The following FGGY variants were observed in gnomAD, a reference collection of about 807,000 sequenced individuals.
The protein encoded by FGGY is FGGY carbohydrate kinase domain containing, also known as FGGY carbohydrate kinase domain-containing protein.
Under a neutral mutation model 71.3 loss-of-function variants are expected in FGGY, and 72 were observed. The ratio of observed to expected loss-of-function variants is 1.01; its 90% CI spans 0.84 to 1.23. FGGY has a LOEUF of 1.23. Ranked by LOEUF, FGGY falls within the 50% of genes most tolerant of loss-of-function variation. FGGY has a pLI of 0.00. For synonymous variants in FGGY, 251 were observed against 250.3 expected (o/e 1.00, Z -0.02); for missense variants, 668 against 682.3 (o/e 0.98, Z 0.23).
chr1:59,691,959 G>A (rs1338068323), intron 14 of FGGY, among the ~76,000 whole-genome samples: 2 of 152,140 alleles, frequency 1.3e-5, no homozygotes, highest in Non-Finnish European at 2.9e-5. Flanking sequence ...CTAACAAGGA[G>A]CCTGACATAG....
At chr1:59,469,187 A>C (rs2092810077) in intron 6 of FGGY, among the ~76,000 whole-genome samples, 1 of 152,240 alleles carries the variant, frequency 6.6e-6, no homozygotes, top group African/African-American at 2.4e-5. Flanking sequence ...CACAGGCCTG[A>C]GTACAGGTGG....
At chr1:59,548,480 G>T (rs35489860) in intron 7 of FGGY, among the ~76,000 whole-genome samples, 1 of 152,280 alleles carries the variant, frequency 6.6e-6, no homozygotes, top group East Asian at 1.9e-4. Flanking sequence ...TATGGAAATT[G>T]AAGTTCTAAG....
At chr1:59,751,721 A>G (rs2098246655) in intron 14 of FGGY, among the ~76,000 whole-genome samples, 1 of 152,180 alleles carries the variant, frequency 6.6e-6, no homozygotes, top group East Asian at 1.9e-4. Context: ...GTCTTATTTG[A>G]CTAGGTCTTC....
chr1:59,717,338 A>T (rs990198122), intron 14 of FGGY, among the ~76,000 whole-genome samples: 4 of 152,058 alleles, frequency 2.6e-5, no homozygotes, highest in African/African-American at 9.7e-5. Flanking sequence ...ACAATTCCCC[A>T]TGGACTCAGA....
intron 5 of FGGY, among the ~76,000 whole-genome samples, chr1:59,417,876 T>C (rs181789067): frequency 1.7e-4 from 26 of 152,318 alleles, no homozygotes; most frequent in Middle Eastern, 6.8e-3. Flanking sequence ...AGTTCCTCAG[T>C]CATACTGGCC....
chr1:59,539,139 G>A (rs558955204), intron 7 of FGGY, among the ~76,000 whole-genome samples: 27 of 152,178 alleles, frequency 1.8e-4, no homozygotes, highest in Admixed American at 4.6e-4. Context: ...TAAATAAATC[G>A]AGGGATATAT....
At chr1:59,726,284 G>T (rs558953366) in intron 14 of FGGY, among the ~76,000 whole-genome samples, 18 of 152,116 alleles carry the variant, frequency 1.2e-4, no homozygotes, top group African/African-American at 4.1e-4. Flanking sequence ...AATCGTATTT[G>T]GTTGTGGTAT....
chr1:59,617,806 T>C (rs2153831672), intron 9 of FGGY, among the ~76,000 whole-genome samples: 1 of 152,162 alleles, frequency 6.6e-6, no homozygotes, highest in Admixed American at 6.6e-5. Flanking sequence ...GGCATTGACT[T>C]TCTGGAACAA....
At chr1:59,500,651 C>T (rs776654629) in intron 6 of FGGY, among the ~76,000 whole-genome samples, 7 of 118,192 alleles carry the variant, frequency 5.9e-5, no homozygotes, top group Non-Finnish European at 1.1e-4. Context: ...TTGTAGCACA[C>T]TGCCTTCTTG....
intron 11 of FGGY, chr1:59,641,253 A>C: frequency 6.3e-7 from 1 of 1,593,558 alleles, no homozygotes; most frequent in Non-Finnish European, 8.6e-7. Context: ...TAATAATAAA[A>C]AAAGAAAATT....
intron 8 of FGGY, among the ~76,000 whole-genome samples, chr1:59,582,470 C>T (rs982820616): frequency 6.7e-6 from 1 of 149,834 alleles, no homozygotes; most frequent in Non-Finnish European, 1.5e-5. Context: ...CCTCACGTTG[C>T]ACTACTACCC....
At chr1:59,748,700 G>T (rs1260846832) in intron 14 of FGGY, among the ~76,000 whole-genome samples, 2 of 152,134 alleles carry the variant, frequency 1.3e-5, no homozygotes, top group East Asian at 1.9e-4. Context: ...ATTGGTCTTT[G>T]TCCCTAGTTC....
chr1:59,655,867 A>G (rs910041794), intron 11 of FGGY, among the ~76,000 whole-genome samples: 1 of 152,222 alleles, frequency 6.6e-6, no homozygotes, highest in Non-Finnish European at 1.5e-5. Flanking sequence ...TACAAAATTC[A>G]TATAGTGTCA....
chr1:59,549,815 G>A (rs758905000), intron 7 of FGGY, among the ~76,000 whole-genome samples: 1 of 152,128 alleles, frequency 6.6e-6, no homozygotes, highest in Non-Finnish European at 1.5e-5. Context: ...TCAATGCTTG[G>A]GTGGAAGTAT....
At chr1:59,359,125 A>G (rs2054911194) in intron 4 of FGGY, among the ~76,000 whole-genome samples, 1 of 152,188 alleles carries the variant, frequency 6.6e-6, no homozygotes, top group African/African-American at 2.4e-5. Flanking sequence ...AAAGCAAGCA[A>G]TTAGAAAATG....
intron 8 of FGGY, 98 bp from the exon 9 acceptor site, chr1:59,607,705 A>G: frequency 1.1e-6 from 1 of 891,382 alleles, no homozygotes; most frequent in Admixed American, 2.5e-5. Flanking sequence ...GCATTCAATA[A>G]GAAGCTGAAT....
chr1:59,413,787 C>T (rs1282986089), intron 5 of FGGY, among the ~76,000 whole-genome samples: 1 of 152,062 alleles, frequency 6.6e-6, no homozygotes, highest in Non-Finnish European at 1.5e-5. Flanking sequence ...ATGGCAAAAC[C>T]CCGTCTCTAC....
intron 7 of FGGY, chr1:59,553,793 T>A (rs2095644549): frequency 5.2e-6 from 1 of 191,896 alleles, no homozygotes; most frequent in African/African-American, 2.3e-5. Context: ...AGACCATGTA[T>A]GCAAATATGT....
chr1:59,466,540 A>G (rs896272596), intron 6 of FGGY, among the ~76,000 whole-genome samples: 2 of 152,254 alleles, frequency 1.3e-5, no homozygotes, highest in Non-Finnish European at 2.9e-5. Context: ...CTGCACAGCA[A>G]AAGAAACTAC....
Sources: allele counts gnomAD v4.1 joint callset (sites outside exome capture counted in the v4.1 genomes callset), GRCh38; gene constraint gnomAD v4.1.1; transcripts MANE v1.5; gene names NCBI Gene and HGNC (gene_info 2026-07-23, HGNC 2026-07-21).